UBE2H: variants seen among roughly 807,000 people sequenced by gnomAD.
The protein encoded by UBE2H is ubiquitin-conjugating enzyme E2 H.
In UBE2H, 3 loss-of-function variants were observed where a neutral mutation model predicts 29.0. The observed-to-expected ratio is 0.10, with a 90% CI of 0.05 to 0.27. The LOEUF (loss-of-function observed/expected upper bound fraction) is 0.27. UBE2H is among the 10% of genes least tolerant of loss of function. The pLI, the probability that UBE2H is intolerant of heterozygous loss-of-function variation, is 1.00. For missense variants in UBE2H, 68 were observed against 228.2 expected (o/e 0.30, Z 4.52); for synonymous variants, 69 against 82.9 (o/e 0.83, Z 0.91).
intron 5 of UBE2H, among the ~76,000 whole-genome samples, chr7:129,847,714 A>G (rs1202057551): frequency 3.3e-5 from 5 of 152,238 alleles, no homozygotes; most frequent in Non-Finnish European, 2.9e-5. Context: ...CCAAATCCAT[A>G]TAACTGGTCC....
chr7:129,949,985 TTTCACA>T (rs1465922463), intron 1 of UBE2H, among the ~76,000 whole-genome samples: 2 of 152,124 alleles, frequency 1.3e-5, no homozygotes, highest in African/African-American at 4.8e-5. Context: ...CCCCCAGCCT[TTTCACA>T]CAATTGTACT....
At chr7:129,922,653 G>A (rs1271074266) in intron 1 of UBE2H, among the ~76,000 whole-genome samples, 1 of 152,186 alleles carries the variant, frequency 6.6e-6, no homozygotes, top group Non-Finnish European at 1.5e-5. Context: ...ATTATAAATG[G>A]CTCAGCCAAA....
chr7:129,882,781 A>C (rs1806280454), intron 1 of UBE2H, among the ~76,000 whole-genome samples: 1 of 152,374 alleles, frequency 6.6e-6, no homozygotes, highest in South Asian at 2.1e-4. Flanking sequence ...AAAGCATAAC[A>C]TGCTTAAAAT....
At chr7:129,910,882 AAAAAAC>A (rs1188737579) in intron 1 of UBE2H, among the ~76,000 whole-genome samples, 2 of 152,066 alleles carry the variant, frequency 1.3e-5, no homozygotes, top group African/African-American at 2.4e-5. Flanking sequence ...ATTCCATCTC[AAAAAAC>A]AAAAACAAAA....
In UBE2H at chr7:129,831,619, AGAT is replaced by A. The variant is rs1805228757; in HGVS notation, c.*3315_*3317del. The A allele has an allele frequency of 6.6e-6, 1 of 152,186 alleles. No individual in the cohort carries two copies. The highest frequency in any genetic ancestry group is 1.5e-5 in the Non-Finnish European group (1 of 68,052). The allele number at this position is 152,186 out of a possible 1,614,324, so 9.4% of individuals were successfully genotyped here. Reference sequence around the variant, plus strand: ...GGATGAGAAATGTTAGGTACTGGAGAGATGATATGGCAACTCCTGATAATGACC... The same window carrying A: ...GGATGAGAAATGTTAGGTACTGGAGAGATATGGCAACTCCTGATAATGACC... On this transcript the variant is annotated 3_prime_UTR_variant, in exon 7 of 7. Coordinates refer to ENST00000355621, the MANE Select transcript of UBE2H (RefSeq NM_003344.4).
At chr7:129,866,900 T>C (rs1805915395) in intron 3 of UBE2H, among the ~76,000 whole-genome samples, 1 of 152,170 alleles carries the variant, frequency 6.6e-6, no homozygotes, top group Non-Finnish European at 1.5e-5. Flanking sequence ...ATTAAATGAG[T>C]TAATATATGT....
At chr7:129,932,751 G>A (rs1807434241) in intron 1 of UBE2H, among the ~76,000 whole-genome samples, 7 of 141,762 alleles carry the variant, frequency 4.9e-5, no homozygotes, top group Admixed American at 3.8e-4. Flanking sequence ...TCCAGCCTGG[G>A]CGACAGAGCG....
intron 3 of UBE2H, among the ~76,000 whole-genome samples, chr7:129,871,961 C>T (rs1281803443): frequency 6.6e-6 from 1 of 152,060 alleles, no homozygotes; most frequent in Non-Finnish European, 1.5e-5. Context: ...ATTCTCCTTC[C>T]TCCGTCTCTC....
intron 1 of UBE2H, among the ~76,000 whole-genome samples, chr7:129,947,850 T>C (rs964984509): frequency 2.6e-5 from 4 of 151,986 alleles, no homozygotes; most frequent in African/African-American, 9.7e-5. Context: ...TACCCAAACA[T>C]ATGAGGATTT....
intron 1 of UBE2H, among the ~76,000 whole-genome samples, chr7:129,925,592 T>C (rs929584205): frequency 1.3e-5 from 2 of 152,150 alleles, no homozygotes; most frequent in Non-Finnish European, 1.5e-5. Context: ...TTCAGGGCAG[T>C]CAAAGAGCCT....
chr7:129,858,135 T>C lies in UBE2H; in HGVS notation c.246-572A>G, dbSNP rs76572319. Among the ~76,000 whole-genome samples the C allele has an allele frequency of 0.025, 3,756 of 152,296 alleles. 280 individuals are homozygous for C. The East Asian group carries it at 0.28, about 11-fold the overall frequency. On this transcript the variant is annotated intron_variant, in intron 4 of 6. Transcript: ENST00000355621. ...AAAAAAGTGCTAAAAAGTAAGTTAC[T>C]GGAATATGGCAGTAGATTAAATAAG...
chr7:129,951,616 T>G (rs1179757453), intron 1 of UBE2H, among the ~76,000 whole-genome samples: 1 of 152,150 alleles, frequency 6.6e-6, no homozygotes, highest in African/African-American at 2.4e-5. Flanking sequence ...GCTTTCCCAC[T>G]GCAACCTCCA....
intron 3 of UBE2H, among the ~76,000 whole-genome samples, chr7:129,872,030 T>C (rs527794260): frequency 6.6e-6 from 1 of 152,192 alleles, no homozygotes; most frequent in African/African-American, 2.4e-5. Flanking sequence ...TATATATATA[T>C]TTTTAGTAGA....
At chr7:129,849,599 T>C (rs913450000) in intron 5 of UBE2H, among the ~76,000 whole-genome samples, 1 of 151,852 alleles carries the variant, frequency 6.6e-6, no homozygotes, top group Admixed American at 6.6e-5. Flanking sequence ...AATAAAATAA[T>C]AAAACAATTA....
intron 1 of UBE2H, among the ~76,000 whole-genome samples, chr7:129,891,759 C>T (rs1454740031): frequency 6.6e-6 from 1 of 151,322 alleles, no homozygotes; most frequent in Non-Finnish European, 1.5e-5. Context: ...CGAGATCATG[C>T]CATTGTACTC....
At position 129,834,832 on chromosome 7, in the gene UBE2H, C is replaced by A; in HGVS notation, c.*105G>T. 1.5e-6 allele frequency: 2 copies of A among 1,364,834 alleles called. No individual in the cohort carries two copies. Among genetic ancestry groups the A allele is most frequent in the Middle Eastern group, 2.7e-4 (1 of 3,762 alleles). The allele number at this position is 1,364,834 out of a possible 1,614,324, so 84.5% of individuals were successfully genotyped here. On this transcript the variant is annotated 3_prime_UTR_variant, in exon 7 of 7. Transcript: ENST00000355621. ...TATCAATGCTATTATTCATAAAAAC[C>A]TTGTTTAGTAATAAAAAAAATTGCT...
At chr7:129,891,959 T>TTC (rs1554435887) in intron 1 of UBE2H, among the ~76,000 whole-genome samples, 4 of 149,504 alleles carry the variant, frequency 2.7e-5, no homozygotes, top group African/African-American at 9.8e-5. Flanking sequence ...ACACCTTTTT[T>TTC]TTTTTTTTTT....
chr7:129,920,848 CAAAAAAAAAAAAA>C (rs11347186), intron 1 of UBE2H, among the ~76,000 whole-genome samples: 2 of 73,998 alleles, frequency 2.7e-5, no homozygotes, highest in East Asian at 4.8e-4. Flanking sequence ...TAGAAAAAGT[CAAAAAAAAAAAAA>C]AAAAAAAAAG....
intron 1 of UBE2H, among the ~76,000 whole-genome samples, chr7:129,930,143 T>C (rs1393330444): frequency 1.3e-5 from 2 of 152,212 alleles, no homozygotes; most frequent in African/African-American, 4.8e-5. Context: ...TCAAACACTC[T>C]GGTCTCAGCA....
Sources: allele counts gnomAD v4.1 joint callset (sites outside exome capture counted in the v4.1 genomes callset), GRCh38; gene constraint gnomAD v4.1.1; transcripts MANE v1.5; gene names NCBI Gene and HGNC (gene_info 2026-07-23, HGNC 2026-07-21).